Variants in RBPJ observed in about 807,000 individuals in gnomAD.
RBPJ encodes recombining binding protein suppressor of hairless.
In RBPJ, 9 loss-of-function variants were observed where a neutral mutation model predicts 67.8. The ratio of observed to expected loss-of-function variants is 0.13; its 90% CI spans 0.08 to 0.23. The LOEUF (loss-of-function observed/expected upper bound fraction) is 0.23. RBPJ is among the 10% of genes least tolerant of loss of function. RBPJ has a pLI of 1.00. For synonymous variants in RBPJ, 198 were observed against 203.3 expected (o/e 0.97, Z 0.22); for missense variants, 305 against 595.6 (o/e 0.51, Z 5.08).
intron 1 of RBPJ, among the ~76,000 whole-genome samples, chr4:26,167,725 T>A (rs1380062257): frequency 7.1e-6 from 1 of 141,098 alleles, no homozygotes; most frequent in Non-Finnish European, 1.5e-5. Flanking sequence ...TCCTGCCTAA[T>A]TGCCCTGGCC....
chr4:26,319,974 A>C (rs1282006627), upstream of RBPJ: 3 of 1,228,764 alleles, frequency 2.4e-6, no homozygotes, highest in Non-Finnish European at 3.4e-6. Flanking sequence ...TTCCGGGATC[A>C]GGCCGCCTGA....
At chr4:26,238,072 T>C (rs1166163632) in intron 1 of RBPJ, among the ~76,000 whole-genome samples, 1 of 152,144 alleles carries the variant, frequency 6.6e-6, no homozygotes, top group Non-Finnish European at 1.5e-5. Context: ...GTTTCATTTG[T>C]TTGTTTTGAG....
intron 2 of RBPJ, among the ~76,000 whole-genome samples, chr4:26,397,625 ACT>A (rs1244714031): frequency 6.6e-6 from 1 of 151,150 alleles, no homozygotes; most frequent in African/African-American, 2.4e-5. Flanking sequence ...CTGTTTTGTA[ACT>A]CTTTTTTTGT....
chr4:26,431,436 C>G lies in RBPJ; in HGVS notation c.*429C>G, dbSNP rs1736226195. On this transcript the variant is annotated 3_prime_UTR_variant, in exon 11 of 11. Transcript: ENST00000355476. ...AGTAAAAGGTACATTTTCACCATAC[C>G]TTTTTTTATATCACGGTATTATAGT... The G allele has an allele frequency of 6.2e-6, 1 of 161,612 alleles. No individual in the cohort carries two copies. Among genetic ancestry groups the G allele is most frequent in the African/African-American group, 2.4e-5 (1 of 41,420 alleles). The allele number at this position is 161,612 out of a possible 1,614,324, so 10.0% of individuals were successfully genotyped here. A position where few individuals can be genotyped will look rare whatever the true frequency, so the allele number is the denominator to read the frequency against.
chr4:26,177,560 AAGGGG>A (rs1046796183), intron 1 of RBPJ, among the ~76,000 whole-genome samples: 1 of 152,010 alleles, frequency 6.6e-6, no homozygotes, highest in Non-Finnish European at 1.5e-5. Context: ...CTGTGCAACA[AAGGGG>A]AGACCCTGTC....
chr4:26,161,719 G>A (rs911312033), upstream of RBPJ, among the ~76,000 whole-genome samples: 4 of 152,202 alleles, frequency 2.6e-5, no homozygotes, highest in African/African-American at 9.7e-5. Flanking sequence ...AAAGGAGGAG[G>A]CCTGAAGCTG....
At chr4:26,209,919 A>G (rs1170468461) in intron 1 of RBPJ, among the ~76,000 whole-genome samples, 2 of 144,322 alleles carry the variant, frequency 1.4e-5, no homozygotes, top group Non-Finnish European at 3.0e-5. Flanking sequence ...CTCCTTTCCC[A>G]TTCATATCAT....
intron 1 of RBPJ, among the ~76,000 whole-genome samples, chr4:26,177,255 C>A (rs1386996448): frequency 6.6e-6 from 1 of 152,148 alleles, no homozygotes; most frequent in Non-Finnish European, 1.5e-5. Flanking sequence ...GGGTGAAGAG[C>A]AGTGAGGACC....
chr4:26,316,063 T>C (rs1318251364), upstream of RBPJ, among the ~76,000 whole-genome samples: 1 of 152,088 alleles, frequency 6.6e-6, no homozygotes, highest in African/African-American at 2.4e-5. Context: ...ACAGTGGTCC[T>C]GAGGTGACGT....
chr4:26,128,226 C>A, the RBPJ span, among the ~76,000 whole-genome samples: 1 of 152,204 alleles, frequency 6.6e-6, no homozygotes, highest in Admixed American at 6.5e-5. Context: ...GTTCCTATTT[C>A]TTCATACTAA....
At chr4:26,169,414 C>G (rs1716465211) in intron 1 of RBPJ, among the ~76,000 whole-genome samples, 1 of 152,240 alleles carries the variant, frequency 6.6e-6, no homozygotes, top group Non-Finnish European at 1.5e-5. Context: ...ATGCTGCTGT[C>G]TGATCGTTCC....
upstream of RBPJ, among the ~76,000 whole-genome samples, chr4:26,316,795 T>A (rs1456927473): frequency 7.2e-6 from 1 of 139,468 alleles, no homozygotes; most frequent in East Asian, 2.2e-4. Context: ...AACTCTTAAG[T>A]GCAGCCTCAT....
At chr4:26,362,200 C>G (rs2109501997) in intron 1 of RBPJ, among the ~76,000 whole-genome samples, 1 of 152,204 alleles carries the variant, frequency 6.6e-6, no homozygotes, top group East Asian at 1.9e-4. Context: ...TTTTTATTCC[C>G]TGAGAAGAAA....
At chr4:26,289,488 T>C (rs1721597274) in intron 1 of RBPJ, among the ~76,000 whole-genome samples, 1 of 150,362 alleles carries the variant, frequency 6.7e-6, no homozygotes. Context: ...GGTTCAGATC[T>C]TTCTGGCAGC....
chr4:26,217,978 A>G (rs1454323671), intron 1 of RBPJ, among the ~76,000 whole-genome samples: 2 of 152,200 alleles, frequency 1.3e-5, no homozygotes, highest in African/African-American at 4.8e-5. Context: ...GAGAGGAAAA[A>G]CAAAACAGAC....
chr4:26,167,642 T>A (rs995132413), intron 1 of RBPJ, among the ~76,000 whole-genome samples: 3 of 137,036 alleles, frequency 2.2e-5, no homozygotes, highest in Non-Finnish European at 4.6e-5. Context: ...TTTCTAGATA[T>A]ACAATCATGT....
chr4:26,182,240 G>A (rs1184753942), intron 1 of RBPJ, among the ~76,000 whole-genome samples: 2 of 151,964 alleles, frequency 1.3e-5, no homozygotes, highest in African/African-American at 2.4e-5. Flanking sequence ...TACTCGGGAG[G>A]CTGAGACAGG....
chr4:26,302,103 T>A (rs1722096380), intron 1 of RBPJ, among the ~76,000 whole-genome samples: 2 of 152,162 alleles, frequency 1.3e-5, no homozygotes, highest in Non-Finnish European at 1.5e-5. Context: ...GGATAATTTT[T>A]AAAAATAAGT....
At chr4:26,275,363 G>C (rs989230269) in intron 1 of RBPJ, among the ~76,000 whole-genome samples, 1 of 152,178 alleles carries the variant, frequency 6.6e-6, no homozygotes, top group African/African-American at 2.4e-5. Flanking sequence ...GGCTCCTATG[G>C]GTAACTGTTT....
Sources: allele counts gnomAD v4.1 joint callset (sites outside exome capture counted in the v4.1 genomes callset), GRCh38; gene constraint gnomAD v4.1.1; transcripts MANE v1.5; gene names NCBI Gene and HGNC (gene_info 2026-07-23, HGNC 2026-07-21).